Variants in F2 observed in about 807,000 individuals in gnomAD.
F2 encodes the protein prothrombin.
In F2, 34 loss-of-function variants were observed where a neutral mutation model predicts 81.9. That is an observed-to-expected ratio of 0.42 (90% confidence interval 0.32 to 0.55). The LOEUF (loss-of-function observed/expected upper bound fraction) is 0.55. Among genes scored for constraint, F2 ranks in the 20% least tolerant of loss-of-function variants. The pLI is 0.18. For synonymous variants in F2, 296 were observed against 326.4 expected, an observed-to-expected ratio of 0.91 and a Z score of 1.01; for missense variants, 630 against 833.4, an observed-to-expected ratio of 0.76 and a Z score of 3.00.
rs1223838893 is a variant in F2, at chr11:46,726,591, T to C, written c.968T>C (p.Phe323Ser). The C allele has an allele frequency of 6.2e-7, 1 of 1,614,134 alleles. No homozygotes were observed. Among genetic ancestry groups the C allele is most frequent in the Non-Finnish European group, 8.5e-7 (1 of 1,180,002 alleles). Residue 323 changes from phenylalanine (F) to serine (S), a missense_variant, in exon 8 of 14, where the codon TTC becomes TCC. Physicochemically the swap from Phe to Ser is radical, Grantham distance 155. Coordinates refer to ENST00000311907, the MANE Select transcript of F2 (RefSeq NM_000506.5). The surrounding 1 kb of genome is among the most constrained non-coding windows in gnomAD (Gnocchi z 5.9). Reference sequence around the variant, plus strand: ...ACCGCCACCAGTGAGTACCAGACTTTCTTCAATCCGAGGACCTTTGGCTCG... The same window carrying C: ...ACCGCCACCAGTGAGTACCAGACTTCCTTCAATCCGAGGACCTTTGGCTCG... ...GRTATSEYQT[F>S]FNPRTFGSGE...
At chr11:46,735,605 AGAGT>A (rs2064939130) in intron 12 of F2, among the ~76,000 whole-genome samples, 1 of 151,452 alleles carries the variant, frequency 6.6e-6, no homozygotes, top group Non-Finnish European at 1.5e-5. Flanking sequence ...CCTGGGCAAC[AGAGT>A]GAGACCCTGT....
chr11:46,727,935 G>A, intron 9 of F2, 61 bp from the exon 10 acceptor site: 1 of 1,537,220 alleles, frequency 6.5e-7, no homozygotes, highest in Admixed American at 1.9e-5. Flanking sequence ...TTACTTCTAG[G>A]GCTGGTGTAG....
chr11:46,719,231 A>G lies in F2; in HGVS notation c.-5A>G. 1 of 1,613,850 alleles carries G rather than the reference A, an allele frequency of 6.2e-7. No individual in the cohort carries two copies. The highest frequency in any genetic ancestry group is 8.5e-7 in the Non-Finnish European group (1 of 1,180,002). ...ATTCCTCAGTGACCCAGGAGCTGACACACTATGGCGCACGTCCGAGGCTTG... is the reference window on the plus strand; with the variant it reads ...ATTCCTCAGTGACCCAGGAGCTGACGCACTATGGCGCACGTCCGAGGCTTG... On this transcript the variant is annotated 5_prime_UTR_variant, in exon 1 of 14. Coordinates refer to ENST00000311907, the MANE Select transcript of F2 (RefSeq NM_000506.5). This position sits in a 1 kb window ranked among gnomAD's most constrained non-coding sequence, Gnocchi z 4.7.
intron 4 of F2, among the ~76,000 whole-genome samples, chr11:46,722,016 G>A: frequency 6.6e-6 from 1 of 151,952 alleles, no homozygotes; most frequent in Non-Finnish European, 1.5e-5. Context: ...CTAATTTTTT[G>A]TATTTTTTAG....
chr11:46,723,626 C>T lies in F2; in HGVS notation c.559+108C>T. On this transcript the variant is annotated intron_variant, in intron 6 of 13. Transcript: ENST00000311907. The surrounding 1 kb of genome is among the most constrained non-coding windows in gnomAD (Gnocchi z 5.6). ...TACTGGCTACCCAGGCACAGTGGCTCATGCCCGTAATCCCAGCACTTTGGG... is the reference window on the plus strand; with the variant it reads ...TACTGGCTACCCAGGCACAGTGGCTTATGCCCGTAATCCCAGCACTTTGGG... 1 of 1,396,106 alleles carries T rather than the reference C, an allele frequency of 7.2e-7. No individual in the cohort carries two copies. The highest frequency in any genetic ancestry group is 9.8e-7 in the Non-Finnish European group (1 of 1,020,230). 86.5% of individuals were successfully genotyped at this position (1,396,106 alleles called of 1,614,324 possible). A position where few individuals can be genotyped will look rare whatever the true frequency, so the allele number is the denominator to read the frequency against.
At position 46,719,759 on chromosome 11, in the gene F2, C is replaced by G; in HGVS notation, c.137C>G (p.Thr46Ser). ...SLLQRVRRANTFLEEVRKGNL... is the reference protein window; with the variant it reads ...SLLQRVRRANSFLEEVRKGNL... ...CTCCAGCGGGTCCGGCGAGCCAACA[C>G]CTTCTTGGAGGAGGTGCGCAAGGGC... Residue 46 changes from threonine (T) to serine (S), a missense_variant, in exon 2 of 14, where the codon ACC becomes AGC. Thr to Ser is a moderately conservative substitution (Grantham distance 58). Transcript: ENST00000311907. The surrounding 1 kb of genome is among the most constrained non-coding windows in gnomAD (Gnocchi z 4.7). 1.9e-6 allele frequency: 3 copies of G among 1,598,088 alleles called. No homozygotes were observed.
At chr11:46,738,843 G>T (rs1473775764) in intron 12 of F2, among the ~76,000 whole-genome samples, 3 of 152,224 alleles carry the variant, frequency 2.0e-5, no homozygotes, top group Non-Finnish European at 4.4e-5. Flanking sequence ...GCTCGAGCTA[G>T]AAGTGGTGAG....
chr11:46,731,912 G>GTTTCTTTTTT (rs2064914139), intron 12 of F2, among the ~76,000 whole-genome samples: 1 of 88,156 alleles, frequency 1.1e-5, no homozygotes, highest in Non-Finnish European at 2.2e-5. Flanking sequence ...ACACTTTGAT[G>GTTTCTTTTTT]TTTTTTTTTT....
intron 12 of F2, among the ~76,000 whole-genome samples, chr11:46,731,573 G>GAA (rs35768741): frequency 7.4e-4 from 97 of 131,640 alleles, no homozygotes; most frequent in Admixed American, 1.4e-3. Flanking sequence ...CTTTTATAGG[G>GAA]AAAAAAAAAA....
chr11:46,732,389 A>C lies in F2; in HGVS notation c.1654+2828A>C, dbSNP rs1398984238. On this transcript the variant is annotated intron_variant, in intron 12 of 13. Transcript: ENST00000311907. ...GATCCTTACTTTATTCTAAGGGTTC[A>C]CCTTTTTTTTTCTTTTTTTTTGAGA... Among the ~76,000 whole-genome samples the C allele has an allele frequency of 3.4e-5, 5 of 148,640 alleles. No homozygotes were observed. The Admixed American group carries it at 3.4e-4, about 10-fold the overall frequency.
chr11:46,738,854 A>G (rs1181733070), intron 12 of F2, among the ~76,000 whole-genome samples, 194 bp from the exon 13 acceptor site: 1 of 152,170 alleles, frequency 6.6e-6, no homozygotes, highest in Non-Finnish European at 1.5e-5. Context: ...AAGTGGTGAG[A>G]AGGGTTTGGA....
chr11:46,727,971 T>A, intron 9 of F2, 25 bp from the exon 10 acceptor site: 1 of 1,598,338 alleles, frequency 6.3e-7, no homozygotes, highest in Non-Finnish European at 8.5e-7. Context: ...CCTCAGCTCC[T>A]AATGCTTCCT....
rs1488952234 is a variant in F2 at position 46,719,975 on chromosome 11, A to AT, written c.240+116dup. On this transcript the variant is annotated intron_variant, in intron 2 of 13. Transcript: ENST00000311907. The surrounding 1 kb of genome is among the most constrained non-coding windows in gnomAD (Gnocchi z 4.7). ...CAGCCCCTTCGCTGCTCACAGCCTC[A>AT]TTTCAACTCTGAGCCCCTCCTCACA... The AT allele has an allele frequency of 1.1e-5, 15 of 1,405,110 alleles. No homozygotes were observed. In the Admixed American group the frequency reaches 3.0e-4, roughly 28 times the overall value. The allele number at this position is 1,405,110 out of a possible 1,614,324, so 87.0% of individuals were successfully genotyped here.
Position 46,723,128 on chromosome 11 carries a change from A to G in F2, c.317-52A>G. ...GGGGGATAGACAACTTTGCAGGGAGAGAGGAAATAAGTCCCCAGGCTCCAA... is the reference window on the plus strand; with the variant it reads ...GGGGGATAGACAACTTTGCAGGGAGGGAGGAAATAAGTCCCCAGGCTCCAA... On this transcript the variant is annotated intron_variant, in intron 4 of 13. Transcript: ENST00000311907. This position sits in a 1 kb window ranked among gnomAD's most constrained non-coding sequence, Gnocchi z 5.6. 2.0e-6 allele frequency: 3 copies of G among 1,519,784 alleles called. No individual in the cohort carries two copies. The highest frequency in any genetic ancestry group is 2.7e-6 in the Non-Finnish European group (3 of 1,094,372). 94.1% of individuals were successfully genotyped at this position (1,519,784 alleles called of 1,614,324 possible). A position where few individuals can be genotyped will look rare whatever the true frequency, so the allele number is the denominator to read the frequency against.
intron 2 of F2, 113 bp from the exon 3 acceptor site, chr11:46,720,410 C>A: frequency 1.6e-6 from 2 of 1,238,934 alleles, no homozygotes; most frequent in Non-Finnish European, 2.4e-6. Flanking sequence ...CTCCCCAGAG[C>A]CTGCCCCCTG....
Position 46,723,033 on chromosome 11 carries a change from G to A in F2, c.317-147G>A. On this transcript the variant is annotated intron_variant, in intron 4 of 13. Coordinates refer to ENST00000311907, the MANE Select transcript of F2 (RefSeq NM_000506.5). This position sits in a 1 kb window ranked among gnomAD's most constrained non-coding sequence, Gnocchi z 5.6. ...CCACTGTTGAGTGAATGGGAGAACT[G>A]CTGGTTGCAGAGGAAGAGGGGCTGG... 1 of 781,566 alleles carries A rather than the reference G, an allele frequency of 1.3e-6. No homozygotes were observed. Among genetic ancestry groups the A allele is most frequent in the Non-Finnish European group, 2.3e-6 (1 of 430,496 alleles). The allele number at this position is 781,566 out of a possible 1,614,324, so 48.4% of individuals were successfully genotyped here.
rs1375519615 is a variant in F2 at position 46,719,547 on chromosome 11, G to A, written c.80-155G>A. 2.8e-6 allele frequency: 3 copies of A among 1,054,424 alleles called. No homozygotes were observed. The highest frequency in any genetic ancestry group is 4.2e-6 in the Non-Finnish European group (3 of 718,434). 65.3% of individuals were successfully genotyped at this position (1,054,424 alleles called of 1,614,324 possible). On this transcript the variant is annotated intron_variant, in intron 1 of 13. Transcript: ENST00000311907. This position sits in a 1 kb window ranked among gnomAD's most constrained non-coding sequence, Gnocchi z 4.7. ...AGGGGCAGTGTAGGAGGGGCACAGG[G>A]GGCCACATTTAGCAGCCTTCCAGGC...
In F2 at chr11:46,726,946, T is replaced by C; in HGVS notation, c.1130+109T>C. On this transcript the variant is annotated intron_variant, in intron 9 of 13. Coordinates refer to ENST00000311907, the MANE Select transcript of F2 (RefSeq NM_000506.5). The surrounding 1 kb of genome is among the most constrained non-coding windows in gnomAD (Gnocchi z 5.9). ...CCTGGGCTTTACAGATGACAACAGCTGAGCATCCAGGATCCCACCAACTCC... is the reference window on the plus strand; with the variant it reads ...CCTGGGCTTTACAGATGACAACAGCCGAGCATCCAGGATCCCACCAACTCC... 2 of 1,548,548 alleles carry C rather than the reference T, an allele frequency of 1.3e-6. No homozygotes were observed. The highest frequency in any genetic ancestry group is 1.8e-6 in the Non-Finnish European group (2 of 1,133,140).
In F2 at chr11:46,728,285, C is replaced by T; in HGVS notation, c.1298+122C>T. 2 of 1,117,586 alleles carry T rather than the reference C, an allele frequency of 1.8e-6. No individual in the cohort carries two copies. Among genetic ancestry groups the T allele is most frequent in the Non-Finnish European group, 2.6e-6 (2 of 761,364 alleles). 69.2% of individuals were successfully genotyped at this position (1,117,586 alleles called of 1,614,324 possible). On this transcript the variant is annotated intron_variant, in intron 10 of 13. Transcript: ENST00000311907. The surrounding 1 kb of genome is among the most constrained non-coding windows in gnomAD (Gnocchi z 5.1). ...TGTATACCCCCCAGAATATAACATC[C>T]CAGCAGTCTCTGCTGGAAAGCCCAT... is the stretch of plus-strand genomic sequence containing the variant.
Sources: allele counts gnomAD v4.1 joint callset (sites outside exome capture counted in the v4.1 genomes callset), GRCh38; gene constraint gnomAD v4.1.1; non-coding constraint Gnocchi (gnomAD v3.1); transcripts MANE v1.5; gene names NCBI Gene and HGNC (gene_info 2026-07-23, HGNC 2026-07-21).